The following SYNE1 variants were observed in gnomAD, a reference collection of about 807,000 sequenced individuals.
SYNE1 encodes nesprin-1.
SYNE1 carries 616 observed loss-of-function variants against 1,111.0 expected under a neutral mutation model. That is an observed-to-expected ratio of 0.55 (90% confidence interval 0.52 to 0.59). SYNE1 has a LOEUF of 0.59. Ranked by LOEUF, SYNE1 falls within the 20% of genes least tolerant of loss-of-function variation. The probability of loss-of-function intolerance (pLI) is 0.00; values close to 1 mark genes in which losing one functional copy is unlikely to be tolerated. For synonymous variants in SYNE1, 3,855 were observed against 3,825.8 expected, an observed-to-expected ratio of 1.01 and a Z score of -0.28; for missense variants, 10,006 against 10,417.0, an observed-to-expected ratio of 0.96 and a Z score of 1.72.
intron 14 of SYNE1, among the ~76,000 whole-genome samples, chr6:152,475,074 C>T (rs2098827192): frequency 6.6e-6 from 1 of 152,082 alleles, no homozygotes; most frequent in Non-Finnish European, 1.5e-5. Flanking sequence ...ACAAACAAAA[C>T]AGAACTATCT....
At chr6:152,185,238 T>G (rs2069498038) in intron 128 of SYNE1, 1 of 152,162 alleles carries the variant, frequency 6.6e-6, no homozygotes, top group African/African-American at 2.4e-5. Flanking sequence ...AACAGATACT[T>G]TAATATATTA....
chr6:152,255,481 T>C (rs1006512787), intron 103 of SYNE1, 110 bp downstream of exon 103: 20 of 1,240,796 alleles, frequency 1.6e-5, no homozygotes, highest in African/African-American at 1.5e-5. Flanking sequence ...TTCTGCATTA[T>C]TAGAATTGTT....
intron 5 of SYNE1, among the ~76,000 whole-genome samples, chr6:152,525,281 G>A (rs1049635337): frequency 1.3e-5 from 2 of 152,132 alleles, no homozygotes; most frequent in African/African-American, 2.4e-5. Flanking sequence ...AATAATGATT[G>A]TGTCATTATT....
At chr6:152,492,064 T>G (rs1425134097) in intron 11 of SYNE1, among the ~76,000 whole-genome samples, 1 of 152,212 alleles carries the variant, frequency 6.6e-6, no homozygotes, top group African/African-American at 2.4e-5. Flanking sequence ...TTTCTTTATC[T>G]GACCTCTCTC....
rs532236836 is a variant in SYNE1 at position 152,542,515 on chromosome 6, T to C, written c.68-2494A>G. Among the ~76,000 whole-genome samples the C allele has an allele frequency of 1.1e-3, 170 of 152,262 alleles. 1 individual carries two copies. Among genetic ancestry groups the C allele is most frequent in the Non-Finnish European group, 2.1e-3 (140 of 68,018 alleles). ...ATTATATATTACATGTAATATTATA[T>C]AAGTATTAATCCATTAATTCTTGTC... is the stretch of plus-strand genomic sequence containing the variant. On this transcript the variant is annotated intron_variant, in intron 3 of 145. Transcript: ENST00000367255.
At chr6:152,199,312 AACAG>A (rs780701577) in intron 127 of SYNE1, among the ~76,000 whole-genome samples, 40 of 152,328 alleles carry the variant, frequency 2.6e-4, no homozygotes, top group Non-Finnish European at 4.6e-4. Flanking sequence ...TATTTTTAAA[AACAG>A]ACACCTAAAT....
intron 44 of SYNE1, 96 bp from the exon 45 acceptor site, chr6:152,407,292 T>C: frequency 2.4e-6 from 3 of 1,232,640 alleles, no homozygotes; most frequent in South Asian, 2.6e-5. Context: ...CAGAAAAGTA[T>C]ATTCTGACGG....
intron 73 of SYNE1, among the ~76,000 whole-genome samples, chr6:152,345,913 T>C (rs866112650): frequency 1.7e-4 from 26 of 152,200 alleles, no homozygotes; most frequent in African/African-American, 5.3e-4. Flanking sequence ...ATTTGTCAGT[T>C]ACTCGTTTCT....
Position 152,122,052 on chromosome 6 carries a change from T to C in SYNE1, c.*384A>G. The C allele has an allele frequency of 3.3e-6, 1 of 303,788 alleles. No homozygotes were observed. Among genetic ancestry groups the C allele is most frequent in the Non-Finnish European group, 6.4e-6 (1 of 157,188 alleles). The allele number at this position is 303,788 out of a possible 1,614,324, so 18.8% of individuals were successfully genotyped here. A position where few individuals can be genotyped will look rare whatever the true frequency, so the allele number is the denominator to read the frequency against. On this transcript the variant is annotated 3_prime_UTR_variant, in exon 146 of 146. Coordinates refer to ENST00000367255, the MANE Select transcript of SYNE1 (RefSeq NM_182961.4). ...ACTGACATGGTGCTTGGGAGGGTCA[T>C]TTATCTGATGGTTGGAGCAGCACCA... is the stretch of plus-strand genomic sequence containing the variant.
chr6:152,309,011 G>A (rs1221667845), intron 90 of SYNE1, among the ~76,000 whole-genome samples: 2 of 152,098 alleles, frequency 1.3e-5, no homozygotes, highest in African/African-American at 4.8e-5. Context: ...TAAGTGCTAC[G>A]GTAGGGAATA....
chr6:152,352,000 G>A (rs768327436), intron 70 of SYNE1, 27 bp downstream of exon 70: 1 of 1,606,874 alleles, frequency 6.2e-7, no homozygotes, highest in Non-Finnish European at 8.5e-7. Context: ...ACCTCTGCAT[G>A]CATCTGTCAA....
chr6:152,445,110 C>T (rs1187927838), intron 29 of SYNE1, among the ~76,000 whole-genome samples: 1 of 151,794 alleles, frequency 6.6e-6, no homozygotes, highest in Non-Finnish European at 1.5e-5. Context: ...ACCTGGTAAT[C>T]AAGGAAGGAT....
chr6:152,395,448 C>A, intron 51 of SYNE1, 68 bp downstream of exon 51: 2 of 1,532,742 alleles, frequency 1.3e-6, no homozygotes, highest in South Asian at 1.2e-5. Flanking sequence ...AAAACCAAAC[C>A]AACCAACCAA....
intron 125 of SYNE1, among the ~76,000 whole-genome samples, chr6:152,207,241 T>A (rs946937059): frequency 2.0e-5 from 3 of 152,100 alleles, no homozygotes; most frequent in Admixed American, 2.0e-4. Context: ...GAAAAGTTGG[T>A]CCAGAGACCA....
chr6:152,472,361 C>G lies in SYNE1; in HGVS notation c.1403G>C (p.Arg468Pro). 6.2e-7 allele frequency: 1 copy of G among 1,613,850 alleles called. No individual in the cohort carries two copies. The highest frequency in any genetic ancestry group is 8.5e-7 in the Non-Finnish European group (1 of 1,179,944). The change falls in exon 15 of 146, where the codon CGG (arginine) becomes CCG (proline). Residue 468 changes from arginine to proline, a missense_variant. Around this residue, in one of 7 missense-constraint regions of SYNE1, gnomAD observed 1,971 missense variants for 2,084.1 expected, o/e 0.95. Coordinates refer to ENST00000367255, the MANE Select transcript of SYNE1 (RefSeq NM_182961.4). ...AHKRAFHEIY[R>P]TRSVNGIPVP... ...TGGAATCCCGTTAACAGACCTGGTC[C>G]GGTAGATTTCATGGAATGCTCTTTT...
rs2051496024 is a variant in SYNE1, at chr6:152,121,994, C to G, written c.*442G>C. 4.7e-6 allele frequency: 1 copy of G among 213,478 alleles called. No individual in the cohort carries two copies. The highest frequency in any genetic ancestry group is 9.6e-6 in the Non-Finnish European group (1 of 104,394). 13.2% of individuals were successfully genotyped at this position (213,478 alleles called of 1,614,324 possible). On this transcript the variant is annotated 3_prime_UTR_variant, in exon 146 of 146. Coordinates refer to ENST00000367255, the MANE Select transcript of SYNE1 (RefSeq NM_182961.4). ...TGTATGTTACAAGGTTCTAAAATCT[C>G]TTCAGCACTGGTTGGTTGGTAGATT... is the stretch of plus-strand genomic sequence containing the variant.
intron 130 of SYNE1, among the ~76,000 whole-genome samples, chr6:152,174,991 TGA>T (rs1406845782): frequency 1.3e-5 from 2 of 152,164 alleles, no homozygotes; most frequent in African/African-American, 4.8e-5. Context: ...GTCAGGAGTT[TGA>T]GACTAGCCTG....
At chr6:152,495,377 C>A (rs967357197) in intron 11 of SYNE1, among the ~76,000 whole-genome samples, 6 of 152,216 alleles carry the variant, frequency 3.9e-5, no homozygotes, top group Non-Finnish European at 8.8e-5. Context: ...TCCCGCTCTA[C>A]CCAGTTGTCC....
chr6:152,160,549 G>A (rs2062268534), intron 131 of SYNE1, among the ~76,000 whole-genome samples: 1 of 152,140 alleles, frequency 6.6e-6, no homozygotes, highest in South Asian at 2.1e-4. Context: ...AGTGCGTGTA[G>A]CATATGCAGC....
Sources: gnomAD v4.1 joint callset for allele counts (sites outside exome capture counted in the v4.1 genomes callset) on GRCh38, gnomAD v4.1.1 for gene constraint, gnomAD v4.1.1 regional missense constraint, MANE v1.5 for transcripts, NCBI Gene and HGNC (gene_info 2026-07-23, HGNC 2026-07-21) for gene names.